AFAP1: variants seen among roughly 807,000 people sequenced by gnomAD.
AFAP1 encodes the protein actin filament-associated protein 1.
A neutral mutation model predicts 93.9 loss-of-function variants in AFAP1; 75 were observed. That is an observed-to-expected ratio of 0.80 (90% CI 0.66 to 0.97). The LOEUF (loss-of-function observed/expected upper bound fraction) is 0.97, where lower values mean the gene tolerates loss of function less well. Ranked by LOEUF, AFAP1 falls within the 50% of genes least tolerant of loss-of-function variation. The pLI is 0.00. For missense variants in AFAP1, 1,201 were observed against 1,050.8 expected, an observed-to-expected ratio of 1.14 and a Z score of -1.98; for synonymous variants, 517 against 430.7, an observed-to-expected ratio of 1.20 and a Z score of -2.48.
chr4:7,811,999 C>T (rs576023170), intron 8 of AFAP1, among the ~76,000 whole-genome samples: 1 of 151,166 alleles, frequency 6.6e-6, no homozygotes. Context: ...AATAAAGCGC[C>T]GAGACTGGCT....
intron 1 of AFAP1, among the ~76,000 whole-genome samples, chr4:7,902,750 G>T (rs1412990344): frequency 6.6e-6 from 1 of 152,178 alleles, no homozygotes; most frequent in Non-Finnish European, 1.5e-5. Flanking sequence ...CAGTAAGGCA[G>T]GGAGTGCAGT....
chr4:7,919,432 G>C (rs566891670), intron 1 of AFAP1, among the ~76,000 whole-genome samples: 5 of 152,306 alleles, frequency 3.3e-5, no homozygotes, highest in Admixed American at 3.3e-4. Context: ...TTATATGGCT[G>C]AATGGAACCT....
Position 7,795,709 on chromosome 4 carries a change from G to A in AFAP1, c.1267-1883C>T, listed in dbSNP as rs149677383. Among the ~76,000 whole-genome samples, 718 of 152,000 alleles carry A rather than the reference G, an allele frequency of 4.7e-3. 3 individuals are homozygous for A. The highest frequency in any genetic ancestry group is 6.9e-3 in the Non-Finnish European group (472 of 67,976). The stretch of plus-strand genomic sequence containing the variant: ...CAAAGTGCTGGGATTACAGCACCCG[G>A]CAAACAAAATCTATATTGAGAATGT... On this transcript the variant is annotated intron_variant, in intron 10 of 17. Transcript: ENST00000420658.
chr4:7,874,466 C>T (rs1717356315), intron 1 of AFAP1, among the ~76,000 whole-genome samples: 1 of 148,192 alleles, frequency 6.7e-6, no homozygotes, highest in Admixed American at 6.8e-5. Context: ...TGGGCTCACG[C>T]CATTCTCCTG....
intron 6 of AFAP1, among the ~76,000 whole-genome samples, chr4:7,832,221 A>C (rs987904874): frequency 6.6e-6 from 1 of 152,156 alleles, no homozygotes; most frequent in Admixed American, 6.5e-5. Flanking sequence ...TCGACAGTAG[A>C]AACTTCCAAT....
chr4:7,830,857 C>T (rs1711536149), intron 6 of AFAP1, among the ~76,000 whole-genome samples: 1 of 152,126 alleles, frequency 6.6e-6, no homozygotes, highest in Non-Finnish European at 1.5e-5. Context: ...GATCCTCCCG[C>T]CTTGCCCTCC....
rs1713809129 is a variant in AFAP1 at position 7,761,595 on chromosome 4, A to T, written c.*2170T>A. 1 of 152,310 alleles carries T rather than the reference A, an allele frequency of 6.6e-6. No individual in the cohort carries two copies. The highest frequency in any genetic ancestry group is 2.1e-4 in the South Asian group (1 of 4,832). The allele number at this position is 152,310 out of a possible 1,614,324, so 9.4% of individuals were successfully genotyped here. On this transcript the variant is annotated 3_prime_UTR_variant, in exon 18 of 18. Transcript: ENST00000420658. Reference sequence around the variant, plus strand: ...CCAGGACCGTGACTTCAGGCTGGCCATCTCCCCCTTCTCTTACTAACCACC... The same window carrying T: ...CCAGGACCGTGACTTCAGGCTGGCCTTCTCCCCCTTCTCTTACTAACCACC...
chr4:7,762,115 T>A lies in AFAP1; in HGVS notation c.*1650A>T, dbSNP rs748876188. On this transcript the variant is annotated 3_prime_UTR_variant, in exon 18 of 18. Coordinates refer to ENST00000420658, the MANE Select transcript of AFAP1 (RefSeq NM_001134647.2). ...GTGTTGTAAAACTTTTTCTTATACATGGGAGACCGCTTTCCGCTTCAGTAA... is the reference window on the plus strand; with the variant it reads ...GTGTTGTAAAACTTTTTCTTATACAAGGGAGACCGCTTTCCGCTTCAGTAA... 1 of 152,266 alleles carries A rather than the reference T, an allele frequency of 6.6e-6. No individual in the cohort carries two copies. The highest frequency in any genetic ancestry group is 1.5e-5 in the Non-Finnish European group (1 of 68,048). The allele number at this position is 152,266 out of a possible 1,614,324, so 9.4% of individuals were successfully genotyped here. A position where few individuals can be genotyped will look rare whatever the true frequency, so the allele number is the denominator to read the frequency against.
chr4:7,827,144 G>A (rs999126354), intron 6 of AFAP1, among the ~76,000 whole-genome samples: 4 of 152,040 alleles, frequency 2.6e-5, no homozygotes, highest in Admixed American at 1.3e-4. Flanking sequence ...AAGAGGACCC[G>A]TAAGCCCGAG....
chr4:7,776,349 T>G (rs1175811752), intron 14 of AFAP1: 1 of 152,214 alleles, frequency 6.6e-6, no homozygotes, highest in African/African-American at 2.4e-5. Context: ...CTTCACCCTC[T>G]CTAAAGCAGA....
chr4:7,913,667 C>A (rs1205117962), intron 1 of AFAP1, among the ~76,000 whole-genome samples: 1 of 152,164 alleles, frequency 6.6e-6, no homozygotes, highest in Non-Finnish European at 1.5e-5. Context: ...ATATTTCCCA[C>A]TTATTACATA....
chr4:7,853,354 C>T (rs1172998479), intron 4 of AFAP1, among the ~76,000 whole-genome samples: 1 of 152,040 alleles, frequency 6.6e-6, no homozygotes, highest in African/African-American at 2.4e-5. Flanking sequence ...GCTAGGGTGG[C>T]CCTGAGAGAA....
Position 7,939,766 on chromosome 4 carries a change from CG to C in AFAP1, c.-114del. 2.5e-6 allele frequency: 1 copy of C among 398,020 alleles called. No homozygotes were observed. Among genetic ancestry groups the C allele is most frequent in the Admixed American group, 3.0e-5 (1 of 32,976 alleles). 24.7% of individuals were successfully genotyped at this position (398,020 alleles called of 1,614,324 possible). ...CCGCCTTAACAATGGAGCCCCGGGG[CG>C]GGGCCGCCGCCGCCGCCTCAGCCCG... On this transcript the variant is annotated 5_prime_UTR_variant, in exon 1 of 18. Coordinates refer to ENST00000420658, the MANE Select transcript of AFAP1 (RefSeq NM_001134647.2). The surrounding 1 kb of genome is among the most constrained non-coding windows in gnomAD (Gnocchi z 5.6).
Position 7,760,512 on chromosome 4 carries a change from G to A in AFAP1, c.*3253C>T, listed in dbSNP as rs1185267463. Reference sequence around the variant, plus strand: ...ACTGCCGTGGACTCTGGAAGCCGAGGGAGAGAGCTACCAGCCTTGCAGACA... The same window carrying A: ...ACTGCCGTGGACTCTGGAAGCCGAGAGAGAGAGCTACCAGCCTTGCAGACA... On this transcript the variant is annotated 3_prime_UTR_variant, in exon 18 of 18. Transcript: ENST00000420658. 6.6e-6 allele frequency: 1 copy of A among 152,330 alleles called. No individual in the cohort carries two copies. Among genetic ancestry groups the A allele is most frequent in the Non-Finnish European group, 1.5e-5 (1 of 68,126 alleles). The allele number at this position is 152,330 out of a possible 1,614,324, so 9.4% of individuals were successfully genotyped here. A position where few individuals can be genotyped will look rare whatever the true frequency, so the allele number is the denominator to read the frequency against.
chr4:7,790,732 T>C (rs1443753411), intron 11 of AFAP1, among the ~76,000 whole-genome samples: 1 of 151,822 alleles, frequency 6.6e-6, no homozygotes, highest in Non-Finnish European at 1.5e-5. Flanking sequence ...AATTTACCTA[T>C]ATTTTGCTGA....
At chr4:7,778,556 G>C (rs1399859275) in intron 14 of AFAP1, 1 of 614,410 alleles carries the variant, frequency 1.6e-6, no homozygotes, top group East Asian at 2.8e-5. Flanking sequence ...AACCAGTTCT[G>C]GGCTTCAATT....
intron 1 of AFAP1, among the ~76,000 whole-genome samples, chr4:7,916,016 CACTT>C (rs1173923086): frequency 3.0e-5 from 3 of 101,502 alleles, no homozygotes; most frequent in Non-Finnish European, 5.2e-5. Context: ...CCGGCCTCCT[CACTT>C]ACGCAATCAC....
chr4:7,875,699 CAAAT>C lies in AFAP1; in HGVS notation c.-2-3623_-2-3620del, dbSNP rs527412274. ...ATGTCAAAAGATAGAAAATGAATGA[CAAAT>C]GAATGGATAAATGAAATGTGGTATA... On this transcript the variant is annotated intron_variant, in intron 1 of 17. Transcript: ENST00000420658. Among the ~76,000 whole-genome samples the C allele has an allele frequency of 8.6e-4, 130 of 151,264 alleles. 1 individual carries two copies. Among genetic ancestry groups the C allele is most frequent in the South Asian group, 6.5e-3 (31 of 4,794 alleles).
chr4:7,793,697 C>T lies in AFAP1; in HGVS notation c.1396G>A (p.Ala466Thr), dbSNP rs770356493. ...GGGTCTTACCAGAAGGTCTGTTTGG[C>T]TGTCTGAATGACACTTGCAGACATC... The part of the protein sequence containing the change: ...VEMSASVIQT[A>T]KQTFCFMNRR... The change falls in exon 11 of 18, where the codon GCC becomes ACC. Residue 466 changes from alanine to threonine, a missense_variant. Coordinates refer to ENST00000420658, the MANE Select transcript of AFAP1 (RefSeq NM_001134647.2). 1.9e-6 allele frequency: 3 copies of T among 1,550,226 alleles called. No individual in the cohort carries two copies. The highest frequency in any genetic ancestry group is 2.6e-6 in the Non-Finnish European group (3 of 1,133,238).
Sources: allele counts gnomAD v4.1 joint callset (sites outside exome capture counted in the v4.1 genomes callset), GRCh38; gene constraint gnomAD v4.1.1; non-coding constraint Gnocchi (gnomAD v3.1); transcripts MANE v1.5; gene names NCBI Gene and HGNC (gene_info 2026-07-23, HGNC 2026-07-21).